Variants in ENOX1 observed in about 807,000 individuals in gnomAD.
The protein encoded by ENOX1 is ecto-NOX disulfide-thiol exchanger 1, also known as candidate growth-related and time keeping constitutive hydroquinone (NADH) oxidase.
Under a neutral mutation model 82.5 loss-of-function variants are expected in ENOX1, and 42 were observed. The observed-to-expected ratio is 0.51, with a 90% CI of 0.40 to 0.66. The LOEUF (loss-of-function observed/expected upper bound fraction) is 0.66, where lower values mean the gene tolerates loss of function less well. Among genes scored for constraint, ENOX1 ranks in the 30% least tolerant of loss-of-function variants. The pLI, the probability that ENOX1 is intolerant of heterozygous loss-of-function variation, is 0.00. For synonymous variants in ENOX1, 271 were observed against 282.2 expected (o/e 0.96, Z 0.40); for missense variants, 608 against 811.6 (o/e 0.75, Z 3.05).
chr13:43,737,550 T>C (rs2089693546), intron 1 of ENOX1, among the ~76,000 whole-genome samples: 1 of 152,160 alleles, frequency 6.6e-6, no homozygotes, highest in Admixed American at 6.6e-5. Context: ...GAACCCTTCC[T>C]CAGAACTGAT....
At chr13:43,400,929 C>T (rs2153589734) in intron 5 of ENOX1, among the ~76,000 whole-genome samples, 1 of 152,304 alleles carries the variant, frequency 6.6e-6, no homozygotes, top group East Asian at 1.9e-4. Flanking sequence ...ACACTTTAGG[C>T]AGATAGACCT....
chr13:43,480,037 G>A (rs1025572659), intron 3 of ENOX1, among the ~76,000 whole-genome samples: 1 of 151,822 alleles, frequency 6.6e-6, no homozygotes, highest in Admixed American at 6.6e-5. Flanking sequence ...CCGGGTTCAA[G>A]CCATTTTCCT....
At chr13:43,708,762 C>T (rs2153812301) in intron 1 of ENOX1, among the ~76,000 whole-genome samples, 1 of 152,124 alleles carries the variant, frequency 6.6e-6, no homozygotes, top group African/African-American at 2.4e-5. Flanking sequence ...ATTCATAGAG[C>T]TACATATAAA....
intron 12 of ENOX1, among the ~76,000 whole-genome samples, chr13:43,282,885 G>C (rs975870832): frequency 1.3e-5 from 2 of 149,900 alleles, no homozygotes; most frequent in African/African-American, 2.4e-5. Context: ...GAGGTCAGGA[G>C]TTTGAGACCA....
At chr13:43,444,195 T>A (rs1222733598) in intron 3 of ENOX1, among the ~76,000 whole-genome samples, 1 of 152,198 alleles carries the variant, frequency 6.6e-6, no homozygotes, top group Non-Finnish European at 1.5e-5. Flanking sequence ...AACATAAGCC[T>A]TAACCTTCTT....
At chr13:43,379,916 A>T (rs1013201706) in intron 5 of ENOX1, among the ~76,000 whole-genome samples, 1 of 152,114 alleles carries the variant, frequency 6.6e-6, no homozygotes, top group South Asian at 2.1e-4. Flanking sequence ...CATCCAGGAA[A>T]AAAAGACATA....
At chr13:43,654,665 A>G (rs2084348375) in intron 2 of ENOX1, among the ~76,000 whole-genome samples, 1 of 152,234 alleles carries the variant, frequency 6.6e-6, no homozygotes, top group Non-Finnish European at 1.5e-5. Context: ...ATATCCATTT[A>G]AAGAATTTCC....
intron 1 of ENOX1, among the ~76,000 whole-genome samples, chr13:43,704,968 C>T (rs1489499343): frequency 2.0e-5 from 3 of 151,920 alleles, no homozygotes; most frequent in Admixed American, 1.3e-4. Flanking sequence ...AAAGGCAAAA[C>T]AAAAACAGTT....
intron 2 of ENOX1, among the ~76,000 whole-genome samples, chr13:43,598,974 T>C (rs900375127): frequency 6.6e-6 from 1 of 152,176 alleles, no homozygotes; most frequent in African/African-American, 2.4e-5. Flanking sequence ...TAACAGTGCC[T>C]TAATTCAATT....
chr13:43,613,556 AAACTC>A (rs1376093603), intron 2 of ENOX1, among the ~76,000 whole-genome samples: 1 of 152,198 alleles, frequency 6.6e-6, no homozygotes, highest in Non-Finnish European at 1.5e-5. Flanking sequence ...GATCAAGAAA[AAACTC>A]AAATCAAATC....
intron 5 of ENOX1, among the ~76,000 whole-genome samples, chr13:43,373,980 T>C (rs1269117874): frequency 1.3e-5 from 2 of 152,172 alleles, no homozygotes; most frequent in African/African-American, 4.8e-5. Flanking sequence ...ATTCCTCACA[T>C]GAAAAACATA....
At chr13:43,297,497 T>C (rs1448343919) in intron 12 of ENOX1, among the ~76,000 whole-genome samples, 1 of 152,182 alleles carries the variant, frequency 6.6e-6, no homozygotes, top group African/African-American at 2.4e-5. Flanking sequence ...ATGATGATAA[T>C]ATATGCTCTG....
intron 1 of ENOX1, among the ~76,000 whole-genome samples, chr13:43,710,783 C>G (rs1303126602): frequency 6.6e-6 from 1 of 151,526 alleles, no homozygotes; most frequent in Non-Finnish European, 1.5e-5. Context: ...AATTCAAGAT[C>G]AACTTAACAT....
chr13:43,450,081 T>C (rs770864271), intron 3 of ENOX1, among the ~76,000 whole-genome samples: 2 of 152,244 alleles, frequency 1.3e-5, no homozygotes, highest in African/African-American at 2.4e-5. Flanking sequence ...AGGAGTATTA[T>C]TGGCATTCAA....
At chr13:43,467,323 C>G (rs560174903) in intron 3 of ENOX1, among the ~76,000 whole-genome samples, 186 of 152,168 alleles carry the variant, frequency 1.2e-3, no homozygotes, top group Middle Eastern at 3.4e-3. Context: ...TACTATATTA[C>G]TATATTTACT....
chr13:43,693,572 C>A (rs1330789581), intron 1 of ENOX1, among the ~76,000 whole-genome samples: 1 of 152,196 alleles, frequency 6.6e-6, no homozygotes, highest in Admixed American at 6.5e-5. Flanking sequence ...TGAACTGTTT[C>A]ATATCCATTC....
chr13:43,443,306 T>TATATAAC (rs1327592849), intron 3 of ENOX1, among the ~76,000 whole-genome samples: 2 of 152,290 alleles, frequency 1.3e-5, no homozygotes, highest in East Asian at 3.9e-4. Context: ...TGGCTAATTT[T>TATATAAC]ATATAACATG....
intron 2 of ENOX1, among the ~76,000 whole-genome samples, chr13:43,521,787 G>A (rs757175083): frequency 7.2e-5 from 11 of 152,186 alleles, no homozygotes; most frequent in African/African-American, 2.6e-4. Context: ...TGGTCTGAAT[G>A]GTGTCTCCAA....
chr13:43,716,400 G>C (rs572766101), intron 1 of ENOX1, among the ~76,000 whole-genome samples: 2 of 152,198 alleles, frequency 1.3e-5, no homozygotes, highest in South Asian at 2.1e-4. Context: ...TGCAGAAATC[G>C]CCCATCTTCT....
Sources: gnomAD v4.1 joint callset for allele counts (sites outside exome capture counted in the v4.1 genomes callset) on GRCh38, gnomAD v4.1.1 for gene constraint, MANE v1.5 for transcripts, NCBI Gene and HGNC (gene_info 2026-07-23, HGNC 2026-07-21) for gene names.